DYNC2H1: variants seen among roughly 807,000 people sequenced by gnomAD.
DYNC2H1 encodes the protein dynein cytoplasmic 2 heavy chain 1, also known as cytoplasmic dynein 2 heavy chain 1.
In DYNC2H1, 410 loss-of-function variants were observed where a neutral mutation model predicts 570.0. That is an observed-to-expected ratio of 0.72 (90% CI 0.66 to 0.78). The LOEUF is 0.78. DYNC2H1 is among the 30% of genes least tolerant of loss of function. The pLI, the probability that DYNC2H1 is intolerant of heterozygous loss-of-function variation, is 0.00. For missense variants in DYNC2H1, 4,865 were observed against 5,046.4 expected (o/e 0.96, Z 1.09); for synonymous variants, 1,688 against 1,677.6 (o/e 1.01, Z -0.15).
rs1565497464 is a variant in DYNC2H1 at position 103,326,556 on chromosome 11, A to G, written c.12039+2566A>G. Among the ~76,000 whole-genome samples the G allele has an allele frequency of 6.6e-6, 1 of 152,158 alleles. No individual in the cohort carries two copies. The highest frequency in any genetic ancestry group is 1.5e-5 in the Non-Finnish European group (1 of 68,040). ...TCGGTACTCCTGAGCTGCAGACCGC[A>G]TTCCGGGGACACTGGAACAGCCCTT... is the stretch of plus-strand genomic sequence containing the variant. On this transcript the variant is annotated intron_variant, in intron 82 of 88. Transcript: ENST00000375735. This position sits in a 1 kb window ranked among gnomAD's most constrained non-coding sequence, Gnocchi z 6.1.
chr11:103,231,149 T>C, intron 59 of DYNC2H1, 111 bp from the exon 60 acceptor site: 1 of 550,766 alleles, frequency 1.8e-6, no homozygotes. Context: ...GTTATAATAC[T>C]GAGTTACTGA....
chr11:103,148,516 G>C lies in DYNC2H1; in HGVS notation c.2845G>C (p.Val949Leu). The C allele has an allele frequency of 6.4e-7, 1 of 1,563,132 alleles. No homozygotes were observed. Among genetic ancestry groups the C allele is most frequent in the Middle Eastern group, 1.7e-4 (1 of 5,988 alleles). Residue 949 changes from valine to leucine, a missense_variant, in exon 20 of 89, where the codon GTT becomes CTT. This residue lies in a region of DYNC2H1 where 1,936 missense variants were observed against 1,962.1 expected (regional missense o/e 0.99). Transcript: ENST00000375735. ...TCATTTACATGAAATTGATACATTT[G>C]TTACTGAGGCTATGGAAGTCTTAAC... ...QAHLHEIDTF[V>L]TEAMEVLTIM... is the part of the protein sequence containing the mutation.
chr11:103,448,922 T>TC (rs1007640461), intron 85 of DYNC2H1, among the ~76,000 whole-genome samples: 1 of 151,998 alleles, frequency 6.6e-6, no homozygotes, highest in African/African-American at 2.4e-5. Context: ...AAAGATTCTT[T>TC]TTTTTCCTTT....
intron 75 of DYNC2H1, among the ~76,000 whole-genome samples, chr11:103,300,096 T>G (rs1458377984): frequency 1.3e-5 from 2 of 152,084 alleles, no homozygotes; most frequent in East Asian, 3.9e-4. Flanking sequence ...TTAAAAAGAA[T>G]GAATCTATTA....
rs567499218 is a variant in DYNC2H1 at position 103,316,647 on chromosome 11, CAT to C, written c.11725+30_11725+31del. 191 of 1,432,466 alleles carry C rather than the reference CAT, an allele frequency of 1.3e-4. No homozygotes were observed. The African/African-American group carries it at 2.5e-3, about 19-fold the overall frequency. 88.7% of individuals were successfully genotyped at this position (1,432,466 alleles called of 1,614,324 possible). On this transcript the variant is annotated intron_variant, in intron 80 of 88. Transcript: ENST00000375735. ...TAAGTTCTAACAAAAATTTTAATCTCATATTAATAAAATATTTTATCTGAGGT... is the reference window on the plus strand; with the variant it reads ...TAAGTTCTAACAAAAATTTTAATCTCATTAATAAAATATTTTATCTGAGGT...
intron 55 of DYNC2H1, among the ~76,000 whole-genome samples, chr11:103,217,871 G>A (rs1003064689): frequency 1.3e-5 from 2 of 151,954 alleles, no homozygotes; most frequent in African/African-American, 4.8e-5. Flanking sequence ...CTCAATAATA[G>A]CAAAACAAAA....
rs79575395 is a variant in DYNC2H1 at position 103,317,393 on chromosome 11, A to G, written c.11725+773A>G. ...CTTTTTTTTTTTCTCATCCTCAGAC[A>G]TCCAGTGCTTTGGCAATTTCTATCC... On this transcript the variant is annotated intron_variant, in intron 80 of 88. Coordinates refer to ENST00000375735, the MANE Select transcript of DYNC2H1 (RefSeq NM_001377.3). 4.0e-5 allele frequency among the ~76,000 whole-genome samples: 6 copies of G among 151,496 alleles called. No homozygotes were observed. The East Asian group carries it at 9.7e-4, about 25-fold the overall frequency.
chr11:103,206,363 T>G (rs1229952419), intron 52 of DYNC2H1, among the ~76,000 whole-genome samples: 1 of 152,118 alleles, frequency 6.6e-6, no homozygotes, highest in Admixed American at 6.5e-5. Context: ...GACATTGAAC[T>G]TATAAGTTTG....
chr11:103,242,712 AT>A (rs1306469962), intron 63 of DYNC2H1, among the ~76,000 whole-genome samples: 1 of 151,896 alleles, frequency 6.6e-6, no homozygotes, highest in Non-Finnish European at 1.5e-5. Flanking sequence ...TGTGGAGGGC[AT>A]TTTCACTGGT....
intron 17 of DYNC2H1, among the ~76,000 whole-genome samples, chr11:103,139,993 C>T (rs984884318): frequency 3.9e-5 from 6 of 152,104 alleles, no homozygotes; most frequent in African/African-American, 1.4e-4. Flanking sequence ...CTCTTTTGAT[C>T]TTTGTTGGTT....
chr11:103,370,377 A>C (rs925858124), intron 83 of DYNC2H1, among the ~76,000 whole-genome samples: 9 of 152,180 alleles, frequency 5.9e-5, no homozygotes, highest in South Asian at 2.1e-4. Context: ...CTCTGGACAC[A>C]CCCATGGCTT....
At position 103,185,547 on chromosome 11, in the gene DYNC2H1, A is replaced by T. The variant is rs2135025673; in HGVS notation, c.6633+496A>T. Among the ~76,000 whole-genome samples the T allele has an allele frequency of 6.6e-6, 1 of 151,792 alleles. No homozygotes were observed. Among genetic ancestry groups the T allele is most frequent in the South Asian group, 2.1e-4 (1 of 4,818 alleles). On this transcript the variant is annotated intron_variant, in intron 41 of 88. Transcript: ENST00000375735. The surrounding 1 kb of genome is among the most constrained non-coding windows in gnomAD (Gnocchi z 4.5). Reference sequence around the variant, plus strand: ...GTGATTTTTTTTCCAATTGACCTCTACTGAAATTATTGGACATTTATTCCT... The same window carrying T: ...GTGATTTTTTTTCCAATTGACCTCTTCTGAAATTATTGGACATTTATTCCT...
chr11:103,457,607 CTT>C (rs756398110), intron 87 of DYNC2H1, among the ~76,000 whole-genome samples: 8 of 152,002 alleles, frequency 5.3e-5, no homozygotes, highest in South Asian at 2.1e-4. Context: ...CTTTTTGACT[CTT>C]ATAAATAACA....
chr11:103,206,933 T>G (rs1310099275), intron 52 of DYNC2H1, among the ~76,000 whole-genome samples: 1 of 152,062 alleles, frequency 6.6e-6, no homozygotes, highest in Non-Finnish European at 1.5e-5. Context: ...GTTTTGTTTT[T>G]TTTTCCAAGA....
chr11:103,173,811 A>G (rs1355231349), intron 35 of DYNC2H1, among the ~76,000 whole-genome samples: 2 of 152,142 alleles, frequency 1.3e-5, no homozygotes, highest in African/African-American at 4.8e-5. Flanking sequence ...GGTAATTGTC[A>G]TTTGGTGTCT....
Position 103,155,432 on chromosome 11 carries a change from A to G in DYNC2H1, c.3675A>G (p.Leu1225=). 1 of 1,612,462 alleles carries G rather than the reference A, an allele frequency of 6.2e-7. No homozygotes were observed. Among genetic ancestry groups the G allele is most frequent in the Non-Finnish European group, 8.5e-7 (1 of 1,179,036 alleles). The change falls in exon 25 of 89, where the codon CTA becomes CTG. Residue 1225 remains leucine (L), a synonymous_variant. Transcript: ENST00000375735. ...TTGGACTTCCTAGGGGGACTAGTCT[A>G]GAGAAACTACTGTTTGGTGATTTGC... ...RLLGLPRGTS[L]EKLLFGDLLR...
rs1320654065 is a variant in DYNC2H1, at chr11:103,243,248, A to C, written c.9820-445A>C. 2.0e-5 allele frequency among the ~76,000 whole-genome samples: 3 copies of C among 147,176 alleles called. No homozygotes were observed. The highest frequency in any genetic ancestry group is 3.0e-5 in the Non-Finnish European group (2 of 66,988). On this transcript the variant is annotated intron_variant, in intron 63 of 88. Coordinates refer to ENST00000375735, the MANE Select transcript of DYNC2H1 (RefSeq NM_001377.3). The surrounding 1 kb of genome is among the most constrained non-coding windows in gnomAD (Gnocchi z 4.8). ...TATGGCCTTTATAGTTTTTATTCAAACAAAGAATATAGATAGATAGATAGA... is the reference window on the plus strand; with the variant it reads ...TATGGCCTTTATAGTTTTTATTCAACCAAAGAATATAGATAGATAGATAGA...
At position 103,189,721 on chromosome 11, in the gene DYNC2H1, C is replaced by G. The variant is rs780122126; in HGVS notation, c.7342C>G (p.Pro2448Ala). The G allele has an allele frequency of 1.2e-6, 2 of 1,612,764 alleles. No homozygotes were observed. The highest frequency in any genetic ancestry group is 1.7e-4 in the Middle Eastern group (1 of 6,052). ...AACGATTTATGGAGCATATTTGGAACCAGTTCTACATAAAAATCTGAAGAA... is the reference window on the plus strand; with the variant it reads ...AACGATTTATGGAGCATATTTGGAAGCAGTTCTACATAAAAATCTGAAGAA... The part of the protein sequence containing the change: ...LQTIYGAYLE[P>A]VLHKNLKNHS... The change falls in exon 45 of 89, where the codon CCA (proline) becomes GCA (alanine). Residue 2448 changes from proline to alanine, a missense_variant. Pro to Ala is a conservative substitution (Grantham distance 27). Transcript: ENST00000375735. This position sits in a 1 kb window ranked among gnomAD's most constrained non-coding sequence, Gnocchi z 4.3.
chr11:103,186,439 A>G lies in DYNC2H1; in HGVS notation c.6831A>G (p.Pro2277=). Reference sequence around the variant, plus strand: ...AACGAGGTCTAGATTATTTCAAACCATGGTTAAGTTCTGATACTAAACAGC... The same window carrying G: ...AACGAGGTCTAGATTATTTCAAACCGTGGTTAAGTTCTGATACTAAACAGC... ...DMQRGLDYFK[P]WLSSDTKQPF... is the part of the protein sequence containing the mutation. The change falls in exon 42 of 89, where the codon CCA becomes CCG. Residue 2277 remains proline (P), a synonymous_variant. Coordinates refer to ENST00000375735, the MANE Select transcript of DYNC2H1 (RefSeq NM_001377.3). This position sits in a 1 kb window ranked among gnomAD's most constrained non-coding sequence, Gnocchi z 4.5. The G allele has an allele frequency of 1.2e-6, 2 of 1,612,662 alleles. No homozygotes were observed. The highest frequency in any genetic ancestry group is 1.7e-6 in the Non-Finnish European group (2 of 1,179,150).
Sources: gnomAD v4.1 joint callset for allele counts (sites outside exome capture counted in the v4.1 genomes callset) on GRCh38, gnomAD v4.1.1 for gene constraint, gnomAD v4.1.1 regional missense constraint, Gnocchi (gnomAD v3.1) non-coding constraint, MANE v1.5 for transcripts, NCBI Gene and HGNC (gene_info 2026-07-23, HGNC 2026-07-21) for gene names.